The following PINX1 variants were observed in gnomAD, a reference collection of about 807,000 sequenced individuals.
PINX1 encodes the protein PIN2 (TERF1) interacting telomerase inhibitor 1.
In PINX1, 34 loss-of-function variants were observed where a neutral mutation model predicts 25.4. The ratio of observed to expected loss-of-function variants is 1.34; its 90% CI spans 1.02 to 1.78. PINX1 has a LOEUF of 1.78. PINX1 is among the 40% of genes most tolerant of loss of function. PINX1 has a pLI of 0.00. For synonymous variants in PINX1, 197 were observed against 147.7 expected (o/e 1.33, Z -2.42); for missense variants, 592 against 404.9 (o/e 1.46, Z -3.97).
At position 10,832,929 on chromosome 8, in the gene PINX1, T is replaced by C; in HGVS notation, c.185A>G (p.Asn62Ser). 1.2e-6 allele frequency: 2 copies of C among 1,612,124 alleles called. No homozygotes were observed. The highest frequency in any genetic ancestry group is 1.7e-6 in the Non-Finnish European group (2 of 1,178,730). Residue 62 changes from asparagine (N) to serine (S), a missense_variant, in exon 3 of 7, where the codon AAT (asparagine) becomes AGT (serine). Transcript: ENST00000314787. ...GGTAGCTCCGAGTCCCAGGTGGTTATTTTTCACTTGAACTTTAATATGATC... is the reference window on the plus strand; with the variant it reads ...GGTAGCTCCGAGTCCCAGGTGGTTACTTTTCACTTGAACTTTAATATGATC... ...ATDHIKVQVK[N>S]NHLGLGATIN... is the part of the protein sequence containing the mutation.
chr8:10,796,739 A>C (rs1802096432), intron 6 of PINX1, among the ~76,000 whole-genome samples: 1 of 152,138 alleles, frequency 6.6e-6, no homozygotes, highest in Non-Finnish European at 1.5e-5. Flanking sequence ...GCTGTTAAAA[A>C]AAAAAAGGGT....
intron 6 of PINX1, among the ~76,000 whole-genome samples, chr8:10,772,656 A>T (rs1303806007): frequency 6.6e-6 from 1 of 152,282 alleles, no homozygotes; most frequent in Non-Finnish European, 1.5e-5. Flanking sequence ...TTTTAGCATT[A>T]GCAAGTATCA....
At chr8:10,802,470 T>TC (rs1032877201) in intron 6 of PINX1, among the ~76,000 whole-genome samples, 1 of 152,216 alleles carries the variant, frequency 6.6e-6, no homozygotes, top group Admixed American at 6.5e-5. Context: ...TGTACTCCAC[T>TC]CCATCATCTT....
chr8:10,796,913 C>T (rs1461694617), intron 6 of PINX1, among the ~76,000 whole-genome samples: 1 of 151,974 alleles, frequency 6.6e-6, no homozygotes, highest in Non-Finnish European at 1.5e-5. Flanking sequence ...ATCAGCACTC[C>T]CCTCCTCCCA....
chr8:10,823,931 C>T (rs1797954149), intron 5 of PINX1, among the ~76,000 whole-genome samples: 1 of 152,216 alleles, frequency 6.6e-6, no homozygotes, highest in African/African-American at 2.4e-5. Flanking sequence ...TTAATCTTCA[C>T]TCTTCCCAAG....
At chr8:10,827,712 C>T (rs1472421103) in intron 4 of PINX1, among the ~76,000 whole-genome samples, 1 of 151,642 alleles carries the variant, frequency 6.6e-6, no homozygotes, top group East Asian at 1.9e-4. Context: ...CGACACCATC[C>T]TGGCTAACAT....
At chr8:10,772,164 C>A (rs541966032) in intron 6 of PINX1, among the ~76,000 whole-genome samples, 1 of 152,244 alleles carries the variant, frequency 6.6e-6, no homozygotes, top group African/African-American at 2.4e-5. Flanking sequence ...AGAGAGTTCT[C>A]GTGCATACCA....
intron 6 of PINX1, among the ~76,000 whole-genome samples, chr8:10,808,073 G>T (rs754721969): frequency 1.3e-5 from 2 of 152,104 alleles, no homozygotes; most frequent in African/African-American, 2.4e-5. Context: ...ACCAAAAATT[G>T]TTACAGGAAA....
chr8:10,790,083 C>T (rs17152412), intron 6 of PINX1, among the ~76,000 whole-genome samples: 18,027 of 151,944 alleles, frequency 0.12, 1,612 homozygotes, highest in African/African-American at 0.25. Flanking sequence ...CAGGTGGAGG[C>T]GCCGTCTGCA....
At chr8:10,767,399 G>A (rs13270498) in intron 6 of PINX1, among the ~76,000 whole-genome samples, 1 of 151,718 alleles carries the variant, frequency 6.6e-6, no homozygotes, top group African/African-American at 2.4e-5. Context: ...CTTTCACCAA[G>A]GGGTACATTA....
intron 6 of PINX1, among the ~76,000 whole-genome samples, chr8:10,779,008 A>G (rs993670161): frequency 3.3e-5 from 5 of 152,220 alleles, no homozygotes; most frequent in Non-Finnish European, 5.9e-5. Context: ...CAGCTATCAC[A>G]TGATTGAAAT....
intron 6 of PINX1, among the ~76,000 whole-genome samples, chr8:10,804,272 G>A (rs1329450645): frequency 6.6e-6 from 1 of 152,244 alleles, no homozygotes; most frequent in Admixed American, 6.5e-5. Flanking sequence ...CTCATCACCA[G>A]AGCCTAGAAC....
At chr8:10,780,162 C>A (rs186375159) in intron 6 of PINX1, among the ~76,000 whole-genome samples, 4 of 152,244 alleles carry the variant, frequency 2.6e-5, no homozygotes, top group African/African-American at 9.6e-5. Flanking sequence ...CATCTGCAAA[C>A]GAGATAATTT....
At chr8:10,766,529 T>C (rs1302906423) in intron 6 of PINX1, among the ~76,000 whole-genome samples, 1 of 152,018 alleles carries the variant, frequency 6.6e-6, no homozygotes, top group Non-Finnish European at 1.5e-5. Flanking sequence ...GAGGGCAGAG[T>C]GGAGACTCCG....
intron 6 of PINX1, among the ~76,000 whole-genome samples, chr8:10,777,294 A>C (rs761343056): frequency 6.6e-6 from 1 of 152,250 alleles, no homozygotes; most frequent in African/African-American, 2.4e-5. Flanking sequence ...TCAAAAAGTC[A>C]GGACCCACTT....
chr8:10,765,571 AGGCCTTGGAACTCTGGTCCCAGCAGG>A lies in PINX1; in HGVS notation c.791_816del (p.Pro264LeufsTer13), dbSNP rs755699068. 8.1e-6 allele frequency: 13 copies of A among 1,613,708 alleles called. 1 individual carries two copies. The South Asian group carries it at 1.3e-4, about 16-fold the overall frequency. ...ACATGGTCCCCTGCATCCTGAGCAG[AGGCCTTGGAACTCTGGTCCCAGCAGG>A]GGCCTCTGAGCTGCTCTTCTGCTGG... On this transcript the variant is annotated frameshift_variant, in exon 7 of 7. Coordinates refer to ENST00000314787, the MANE Select transcript of PINX1 (RefSeq NM_017884.6). LOFTEE classifies it low-confidence loss of function (END_TRUNC).
At chr8:10,797,210 G>C (rs201675404) in intron 6 of PINX1, among the ~76,000 whole-genome samples, 14 of 152,334 alleles carry the variant, frequency 9.2e-5, no homozygotes, top group East Asian at 3.9e-4. Context: ...TTTAACCTTT[G>C]TCAGCTTCCT....
intron 6 of PINX1, among the ~76,000 whole-genome samples, chr8:10,789,415 G>T (rs1468069035): frequency 6.6e-6 from 1 of 152,192 alleles, no homozygotes; most frequent in African/African-American, 2.4e-5. Context: ...ACTTCTCACA[G>T]TTACCTTTGG....
chr8:10,794,780 G>A (rs906887267), intron 6 of PINX1, among the ~76,000 whole-genome samples: 1 of 152,038 alleles, frequency 6.6e-6, no homozygotes, highest in African/African-American at 2.4e-5. Context: ...AGACTTTTAC[G>A]GGTTTAAAAC....
Sources: allele counts gnomAD v4.1 joint callset (sites outside exome capture counted in the v4.1 genomes callset), GRCh38; gene constraint gnomAD v4.1.1; transcripts MANE v1.5; gene names NCBI Gene and HGNC (gene_info 2026-07-23, HGNC 2026-07-21).